The following RSRP1 variants were observed in gnomAD, a reference collection of about 807,000 sequenced individuals.
RSRP1 encodes the protein arginine and serine rich protein 1, also known as arginine/serine-rich protein 1.
RSRP1 carries 37 observed loss-of-function variants against 33.0 expected under a neutral mutation model. The ratio of observed to expected loss-of-function variants is 1.12; its 90% confidence interval spans 0.86 to 1.48. The LOEUF (loss-of-function observed/expected upper bound fraction) is 1.48, where lower values mean the gene tolerates loss of function less well. Ranked by LOEUF, RSRP1 falls within the 40% of genes most tolerant of loss-of-function variation. The pLI is 0.00. For missense variants in RSRP1, 402 were observed against 385.3 expected, an observed-to-expected ratio of 1.04 and a Z score of -0.36; for synonymous variants, 167 against 158.7, an observed-to-expected ratio of 1.05 and a Z score of -0.40.
At position 25,301,900 on chromosome 1, in the gene RSRP1, G is replaced by A. The variant is rs943715809; in HGVS notation, c.-67+36078C>T. Among the ~76,000 whole-genome samples, 2 of 131,384 alleles carry A rather than the reference G, an allele frequency of 1.5e-5. 1 individual carries two copies. Among genetic ancestry groups the A allele is most frequent in the East Asian group, 3.9e-4 (2 of 5,118 alleles). 86.2% of individuals were successfully genotyped at this position (131,384 alleles called of 152,430 possible). The stretch of plus-strand genomic sequence containing the variant: ...ACTGTCCAGTGATCAAAGGCTTTCT[G>A]GGGGTAGTGATTAAATCCATCCATG... On this transcript the variant is annotated intron_variant, in intron 1 of 1. Coordinates refer to the RSRP1 transcript ENST00000561867.
chr1:25,259,218 G>A (rs537253476), intron 1 of RSRP1, among the ~76,000 whole-genome samples: 28 of 150,446 alleles, frequency 1.9e-4, no homozygotes, highest in East Asian at 1.6e-3. Flanking sequence ...CTCAGCCTCC[G>A]AAGTAGCTGG....
intron 1 of RSRP1, among the ~76,000 whole-genome samples, chr1:25,258,738 T>C (rs1444316046): frequency 6.6e-6 from 1 of 152,228 alleles, no homozygotes; most frequent in African/African-American, 2.4e-5. Context: ...CTTTGAGTAT[T>C]AAAGCATAAA....
Position 25,273,133 on chromosome 1 carries a change from G to A in RSRP1, c.-66-26104C>T, listed in dbSNP as rs1436375301. ...TTTTGTTTCCTTTTTGTGGCCTCTC[G>A]CTCATTTCTTATTTCTTTTTGAGGC... is the stretch of plus-strand genomic sequence containing the variant. On this transcript the variant is annotated intron_variant, in intron 1 of 1. Coordinates refer to the RSRP1 transcript ENST00000561867. Among the ~76,000 whole-genome samples the A allele has an allele frequency of 2.3e-5, 3 of 129,284 alleles. 1 individual carries two copies. Among genetic ancestry groups the A allele is most frequent in the African/African-American group, 7.9e-5 (3 of 37,950 alleles). The allele number at this position is 129,284 out of a possible 152,430, so 84.8% of individuals were successfully genotyped here.
At chr1:25,243,810 A>G (rs1639110900) in intron 3 of RSRP1, 177 bp from the exon 4 acceptor site, 1 of 1,356,288 alleles carries the variant, frequency 7.4e-7, no homozygotes, top group East Asian at 2.9e-5. Flanking sequence ...CTGATTTAAT[A>G]TTAGGCTTAA....
chr1:25,298,841 T>G (rs1453944240), intron 1 of RSRP1, among the ~76,000 whole-genome samples: 3 of 129,546 alleles, frequency 2.3e-5, no homozygotes, highest in Non-Finnish European at 5.4e-5. Context: ...GTACCACAGA[T>G]AAAAATGAAA....
At chr1:25,282,832 T>A (rs1641616122) in intron 1 of RSRP1, among the ~76,000 whole-genome samples, 1 of 128,080 alleles carries the variant, frequency 7.8e-6, no homozygotes, top group Non-Finnish European at 1.8e-5. Context: ...GAGGTGGAGG[T>A]TGCAGCGAGC....
In RSRP1 at chr1:25,288,654, T is replaced by C. The variant is rs1189322645; in HGVS notation, c.-66-41625A>G. Among the ~76,000 whole-genome samples the C allele has an allele frequency of 1.6e-5, 2 of 127,562 alleles. 1 individual carries two copies. Among genetic ancestry groups the C allele is most frequent in the African/African-American group, 5.5e-5 (2 of 36,598 alleles). The allele number at this position is 127,562 out of a possible 152,430, so 83.7% of individuals were successfully genotyped here. A position where few individuals can be genotyped will look rare whatever the true frequency, so the allele number is the denominator to read the frequency against. Reference sequence around the variant, plus strand: ...ATGGAGGCACCAAGGCACAGAGTGATTAAATAAATTGCCCAGGATCACACA... The same window carrying C: ...ATGGAGGCACCAAGGCACAGAGTGACTAAATAAATTGCCCAGGATCACACA... On this transcript the variant is annotated intron_variant, in intron 1 of 1. Coordinates refer to the RSRP1 transcript ENST00000561867.
At position 25,247,046 on chromosome 1, in the gene RSRP1, G is replaced by GA. The variant is rs1487738596; in HGVS notation, c.-66-18dup. 2.0e-5 allele frequency: 27 copies of GA among 1,353,306 alleles called. No homozygotes were observed. In the Admixed American group the frequency reaches 5.4e-4, roughly 27 times the overall value. The allele number at this position is 1,353,306 out of a possible 1,614,324, so 83.8% of individuals were successfully genotyped here. A position where few individuals can be genotyped will look rare whatever the true frequency, so the allele number is the denominator to read the frequency against. ...CAGGACTTCCTAAAAAACCAAGAGAGAAAAAACAAGTCGAGTCGCGGAAGC... is the reference window on the plus strand; with the variant it reads ...CAGGACTTCCTAAAAAACCAAGAGAGAAAAAAACAAGTCGAGTCGCGGAAGC... On this transcript the variant is annotated splice_polypyrimidine_tract_variant and intron_variant, in intron 1 of 4. Coordinates refer to ENST00000243189, the MANE Select transcript of RSRP1 (RefSeq NM_020317.5).
chr1:25,272,686 T>C (rs1640591488), intron 1 of RSRP1: 1 of 1,539,442 alleles, frequency 6.5e-7, no homozygotes, highest in African/African-American at 1.4e-5. Flanking sequence ...GCTCGTGGCA[T>C]CCTATCAAGG....
chr1:25,289,035 A>G (rs1448485828), intron 1 of RSRP1, among the ~76,000 whole-genome samples: 1 of 133,632 alleles, frequency 7.5e-6, no homozygotes, highest in Admixed American at 7.3e-5. Flanking sequence ...CTGAGTCCAG[A>G]CTTCAGAGCA....
At chr1:25,302,354 G>C (rs1369535792) in intron 1 of RSRP1, among the ~76,000 whole-genome samples, 1 of 128,688 alleles carries the variant, frequency 7.8e-6, no homozygotes, top group Non-Finnish European at 1.8e-5. Flanking sequence ...TCGGAGGGAA[G>C]TCTGGACAGA....
rs530518210 is a variant in RSRP1, at chr1:25,247,390, C to T, written c.-148G>A. On this transcript the variant is annotated 5_prime_UTR_variant, in exon 1 of 5. Transcript: ENST00000243189. ...TTTCGGAACGTAAGACGAAGTGGGG[C>T]TTTTAGTCCCTGCTTTCGAACGGCG... 1.3e-4 allele frequency: 23 copies of T among 175,224 alleles called. No homozygotes were observed. The highest frequency in any genetic ancestry group is 2.4e-4 in the Non-Finnish European group (20 of 83,706). The allele number at this position is 175,224 out of a possible 1,614,324, so 10.9% of individuals were successfully genotyped here.
At position 25,319,975 on chromosome 1, in the gene RSRP1, T is replaced by C. The variant is rs1467837780; in HGVS notation, c.-67+18003A>G. 1.5e-4 allele frequency among the ~76,000 whole-genome samples: 20 copies of C among 131,566 alleles called. 4 individuals carry two copies. Among genetic ancestry groups the C allele is most frequent in the Admixed American group, 1.5e-3 (20 of 13,462 alleles). The allele number at this position is 131,566 out of a possible 152,430, so 86.3% of individuals were successfully genotyped here. A position where few individuals can be genotyped will look rare whatever the true frequency, so the allele number is the denominator to read the frequency against. On this transcript the variant is annotated intron_variant, in intron 1 of 1. Transcript: ENST00000561867. ...GTGCAATGGCGCTATCTCGGCTCACTACAACCTCAGCCTCCTGGGTTCAAG... is the reference window on the plus strand; with the variant it reads ...GTGCAATGGCGCTATCTCGGCTCACCACAACCTCAGCCTCCTGGGTTCAAG...
chr1:25,295,648 G>T (rs1448674663), intron 1 of RSRP1, among the ~76,000 whole-genome samples: 2 of 105,918 alleles, frequency 1.9e-5, no homozygotes, highest in Non-Finnish European at 4.5e-5. Context: ...GAGAGGGAAG[G>T]AGTTGGGTGG....
At chr1:25,261,555 C>T (rs1210178729) in intron 1 of RSRP1, among the ~76,000 whole-genome samples, 1 of 151,908 alleles carries the variant, frequency 6.6e-6, no homozygotes, top group Non-Finnish European at 1.5e-5. Context: ...CAGGCGCCCG[C>T]CACCCTGCCC....
At position 25,277,058 on chromosome 1, in the gene RSRP1, C is replaced by A. The variant is rs184675142; in HGVS notation, c.-66-30029G>T. On this transcript the variant is annotated intron_variant, in intron 1 of 1. Coordinates refer to the RSRP1 transcript ENST00000561867. Reference sequence around the variant, plus strand: ...CTCCAGCCTGGGCAACAGAGCGAGACTCCGTCTAAAAAAAAATGAAAATAA... The same window carrying A: ...CTCCAGCCTGGGCAACAGAGCGAGAATCCGTCTAAAAAAAAATGAAAATAA... 2.3e-4 allele frequency among the ~76,000 whole-genome samples: 30 copies of A among 132,062 alleles called. No homozygotes were observed. In the East Asian group the frequency reaches 5.9e-3, roughly 26 times the overall value. 86.6% of individuals were successfully genotyped at this position (132,062 alleles called of 152,430 possible). A position where few individuals can be genotyped will look rare whatever the true frequency, so the allele number is the denominator to read the frequency against.
At chr1:25,328,950 C>T (rs1271350060) in intron 1 of RSRP1, 1 of 1,317,984 alleles carries the variant, frequency 7.6e-7, no homozygotes, top group Admixed American at 1.9e-5. Flanking sequence ...AAAAACAAGG[C>T]CTGTTCAAAA....
intron 1 of RSRP1, among the ~76,000 whole-genome samples, chr1:25,333,298 G>A (rs1273296781): frequency 1.1e-4 from 14 of 130,686 alleles, no homozygotes; most frequent in Non-Finnish European, 1.8e-4. Flanking sequence ...CAGTCAAGCT[G>A]ACACCTAAAA....
In RSRP1 at chr1:25,314,453, C is replaced by T. The variant is rs1264411520; in HGVS notation, c.-67+23525G>A. Among the ~76,000 whole-genome samples the T allele has an allele frequency of 3.0e-5, 4 of 132,450 alleles. 1 individual carries two copies. Among genetic ancestry groups the T allele is most frequent in the South Asian group, 2.3e-4 (1 of 4,358 alleles). The allele number at this position is 132,450 out of a possible 152,430, so 86.9% of individuals were successfully genotyped here. ...CTTATTGATTTGTAGGAATTCCTTA[C>T]GTATCCTGGATATGAATCCCACTTT... On this transcript the variant is annotated intron_variant, in intron 1 of 1. Transcript: ENST00000561867.
Sources: gnomAD v4.1 joint callset for allele counts (sites outside exome capture counted in the v4.1 genomes callset) on GRCh38, gnomAD v4.1.1 for gene constraint, MANE v1.5 for transcripts, NCBI Gene and HGNC (gene_info 2026-07-23, HGNC 2026-07-21) for gene names.